MAGI2: variants seen among roughly 807,000 people sequenced by gnomAD.
MAGI2 encodes the protein membrane associated guanylate kinase, WW and PDZ domain containing 2.
Under a neutral mutation model 133.3 loss-of-function variants are expected in MAGI2, and 35 were observed. The ratio of observed to expected loss-of-function variants is 0.26; its 90% confidence interval spans 0.20 to 0.35. The LOEUF (loss-of-function observed/expected upper bound fraction) is 0.35. Ranked by LOEUF, MAGI2 falls within the 10% of genes least tolerant of loss-of-function variation. MAGI2 has a pLI of 1.00. For synonymous variants in MAGI2, 729 were observed against 710.6 expected (o/e 1.03, Z -0.41); for missense variants, 1,636 against 1,863.4 (o/e 0.88, Z 2.25).
intron 21 of MAGI2, among the ~76,000 whole-genome samples, chr7:78,054,582 A>G (rs1812359407): frequency 7.0e-6 from 1 of 141,986 alleles, no homozygotes; most frequent in African/African-American, 2.9e-5. Context: ...CTTCATTCAT[A>G]GGCATACTTT....
chr7:79,161,189 G>T (rs1473667579), intron 1 of MAGI2, among the ~76,000 whole-genome samples: 1 of 151,980 alleles, frequency 6.6e-6, no homozygotes, highest in African/African-American at 2.4e-5. Flanking sequence ...TCTGACTGGG[G>T]ATGTTACCCC....
chr7:78,076,618 G>A (rs773291410), intron 21 of MAGI2, among the ~76,000 whole-genome samples: 5 of 150,392 alleles, frequency 3.3e-5, no homozygotes, highest in Admixed American at 6.6e-5. Context: ...AGGCCGAGGC[G>A]GGTGGATCAT....
At chr7:78,470,822 T>A (rs1791122547) in intron 6 of MAGI2, among the ~76,000 whole-genome samples, 1 of 152,144 alleles carries the variant, frequency 6.6e-6, no homozygotes, top group Non-Finnish European at 1.5e-5. Flanking sequence ...ATGGACATCA[T>A]GTAACTAAGA....
rs185111604 is a variant in MAGI2 at position 79,083,824 on chromosome 7, G to C, written c.302-76618C>G. On this transcript the variant is annotated intron_variant, in intron 1 of 21. Transcript: ENST00000354212. The stretch of plus-strand genomic sequence containing the variant: ...CAATTCTCTTTTTGGGGAGTTTTGT[G>C]ATTTTTAATAATTCAGTCTATTTAC... 9.1e-4 allele frequency among the ~76,000 whole-genome samples: 138 copies of C among 151,566 alleles called. 2 individuals carry two copies. The highest frequency in any genetic ancestry group is 3.2e-3 in the African/African-American group (131 of 41,458).
intron 1 of MAGI2, among the ~76,000 whole-genome samples, chr7:79,129,314 G>T (rs952292703): frequency 6.6e-6 from 1 of 152,180 alleles, no homozygotes; most frequent in South Asian, 2.1e-4. Context: ...TCTACTGAGT[G>T]TGTATCACGT....
At chr7:78,862,938 T>G (rs936185418) in intron 2 of MAGI2, among the ~76,000 whole-genome samples, 1 of 152,196 alleles carries the variant, frequency 6.6e-6, no homozygotes, top group Non-Finnish European at 1.5e-5. Flanking sequence ...TTTTAAAACA[T>G]TATCAACTTT....
At chr7:78,940,390 G>C (rs1800871504) in intron 2 of MAGI2, 1 of 152,080 alleles carries the variant, frequency 6.6e-6, no homozygotes, top group African/African-American at 2.4e-5. Context: ...TTTTGAGAGA[G>C]TAAAGAAGAG....
At chr7:79,019,782 T>C (rs866823594) in intron 1 of MAGI2, among the ~76,000 whole-genome samples, 2 of 152,138 alleles carry the variant, frequency 1.3e-5, no homozygotes, top group Non-Finnish European at 2.9e-5. Context: ...TGACCTCAGG[T>C]GATCCACCTG....
intron 21 of MAGI2, among the ~76,000 whole-genome samples, chr7:78,063,534 G>A (rs1428100008): frequency 6.6e-6 from 1 of 152,158 alleles, no homozygotes; most frequent in East Asian, 1.9e-4. Flanking sequence ...GAGCCACCGT[G>A]CCCAGCCAGA....
At chr7:79,224,128 T>C (rs747528120) in intron 1 of MAGI2, among the ~76,000 whole-genome samples, 9 of 152,068 alleles carry the variant, frequency 5.9e-5, no homozygotes, top group Non-Finnish European at 1.3e-4. Flanking sequence ...GGTACTATCA[T>C]AGGATCCTGG....
intron 10 of MAGI2, among the ~76,000 whole-genome samples, chr7:78,250,160 A>G (rs1248241715): frequency 6.6e-6 from 1 of 152,148 alleles, no homozygotes; most frequent in African/African-American, 2.4e-5. Context: ...TAGGACATAT[A>G]CAACTGTAAT....
intron 1 of MAGI2, among the ~76,000 whole-genome samples, chr7:79,318,544 A>G (rs73375139): frequency 0.047 from 7,177 of 152,234 alleles, 273 homozygotes; most frequent in African/African-American, 0.1. Flanking sequence ...ACTACCATCC[A>G]AGGAATGTGA....
intron 3 of MAGI2, among the ~76,000 whole-genome samples, chr7:78,553,511 T>C (rs1159647398): frequency 6.6e-6 from 1 of 152,212 alleles, no homozygotes; most frequent in Non-Finnish European, 1.5e-5. Flanking sequence ...CTTGCACTTA[T>C]ACAAACAAAA....
At chr7:78,784,760 G>A (rs944829811) in intron 2 of MAGI2, among the ~76,000 whole-genome samples, 3 of 152,116 alleles carry the variant, frequency 2.0e-5, no homozygotes, top group African/African-American at 7.2e-5. Flanking sequence ...AGTTTTCTCT[G>A]TATATTTGGG....
chr7:78,109,869 T>A (rs1048048203), intron 20 of MAGI2, among the ~76,000 whole-genome samples: 1 of 152,098 alleles, frequency 6.6e-6, no homozygotes, highest in Admixed American at 6.5e-5. Context: ...GCAGTGGCAA[T>A]GGAATGAAAT....
chr7:79,353,186 A>T (rs1841798747), intron 1 of MAGI2, among the ~76,000 whole-genome samples: 1 of 152,008 alleles, frequency 6.6e-6, no homozygotes, highest in South Asian at 2.1e-4. Flanking sequence ...TCTTCTACCA[A>T]CTGCCCCCCA....
intron 2 of MAGI2, among the ~76,000 whole-genome samples, chr7:78,711,164 G>A (rs531951923): frequency 1.4e-4 from 21 of 152,230 alleles, no homozygotes; most frequent in Non-Finnish European, 2.2e-4. Context: ...TGAAGTTTAC[G>A]TATATAATTA....
At chr7:78,664,952 T>G (rs1261474121) in intron 2 of MAGI2, among the ~76,000 whole-genome samples, 2 of 152,092 alleles carry the variant, frequency 1.3e-5, no homozygotes, top group Non-Finnish European at 2.9e-5. Context: ...ATTTCATACG[T>G]AGATATAATA....
intron 1 of MAGI2, among the ~76,000 whole-genome samples, chr7:79,322,642 G>T (rs992552830): frequency 6.6e-6 from 1 of 151,714 alleles, no homozygotes; most frequent in African/African-American, 2.4e-5. Context: ...AAAATTAGCC[G>T]GGCCATAGTT....
Sources: allele counts gnomAD v4.1 joint callset (sites outside exome capture counted in the v4.1 genomes callset), GRCh38; gene constraint gnomAD v4.1.1; transcripts MANE v1.5; gene names NCBI Gene and HGNC (gene_info 2026-07-23, HGNC 2026-07-21).